The following RAD54L2 variants were observed in gnomAD, a reference collection of about 807,000 sequenced individuals.
RAD54L2 encodes helicase ARIP4.
In RAD54L2, 27 loss-of-function variants were observed where a neutral mutation model predicts 138.4. The ratio of observed to expected loss-of-function variants is 0.20; its 90% CI spans 0.14 to 0.27. The LOEUF (loss-of-function observed/expected upper bound fraction) is 0.27. Among genes scored for constraint, RAD54L2 ranks in the 10% least tolerant of loss-of-function variants. RAD54L2 has a pLI of 1.00. For missense variants in RAD54L2, 1,396 were observed against 1,890.2 expected (o/e 0.74, Z 4.85); for synonymous variants, 644 against 723.2 (o/e 0.89, Z 1.76).
At position 51,629,386 on chromosome 3, in the gene RAD54L2, G is replaced by A. The variant is rs769275688; in HGVS notation, c.394G>A (p.Glu132Lys). 4 of 1,604,890 alleles carry A rather than the reference G, an allele frequency of 2.5e-6. No individual in the cohort carries two copies. In the South Asian group the frequency reaches 4.5e-5, roughly 18 times the overall value. The change falls in exon 5 of 23, where the codon GAA (glutamate) becomes AAA (lysine). Residue 132 changes from glutamate (E) to lysine (K), a missense_variant. By Grantham distance (56) the Glu-to-Lys change is moderately conservative. Around this residue, in one of 7 missense-constraint regions of RAD54L2, gnomAD observed 256 missense variants for 344.6 expected, o/e 0.74. Coordinates refer to ENST00000684192, the MANE Select transcript of RAD54L2 (RefSeq NM_015106.4). The stretch of plus-strand genomic sequence containing the variant: ...GCCTGTTACCAAAGCAGCACAGCAA[G>A]AAGAGTTGGAAAGAAGGAAGCGCCT... ...LEPVTKAAQQ[E>K]ELERRKRLEQ...
intron 3 of RAD54L2, among the ~76,000 whole-genome samples, chr3:51,617,691 C>T (rs9866513): frequency 0.038 from 5,811 of 152,152 alleles, 393 homozygotes; most frequent in African/African-American, 0.13. Context: ...GCCTGGGCAA[C>T]ATAGTGAGAC....
chr3:51,644,685 C>G (rs1363792355), intron 16 of RAD54L2, among the ~76,000 whole-genome samples: 2 of 152,234 alleles, frequency 1.3e-5, no homozygotes, highest in African/African-American at 4.8e-5. Flanking sequence ...AGTCATTCCC[C>G]TAAGCTGTTA....
intron 2 of RAD54L2, among the ~76,000 whole-genome samples, chr3:51,573,889 C>T (rs954621360): frequency 6.6e-6 from 1 of 151,794 alleles, no homozygotes; most frequent in Non-Finnish European, 1.5e-5. Context: ...GGTATATGTG[C>T]ACAACGTGTA....
intron 2 of RAD54L2, among the ~76,000 whole-genome samples, chr3:51,577,416 C>T (rs1699503660): frequency 6.6e-6 from 1 of 152,074 alleles, no homozygotes. Flanking sequence ...GTTTCTGTCT[C>T]GTCGATCTGT....
At chr3:51,653,951 A>G (rs1237391043) in intron 19 of RAD54L2, among the ~76,000 whole-genome samples, 3 of 152,180 alleles carry the variant, frequency 2.0e-5, no homozygotes, top group Non-Finnish European at 4.4e-5. Flanking sequence ...ACAAACAAAA[A>G]AACTTGACAA....
intron 1 of RAD54L2, among the ~76,000 whole-genome samples, 194 bp downstream of exon 1, chr3:51,539,109 G>A (rs1301586980): frequency 3.9e-5 from 6 of 152,236 alleles, no homozygotes; most frequent in Non-Finnish European, 5.9e-5. Context: ...CTTGGCGGGG[G>A]TCTTGGGCCT....
At chr3:51,607,431 T>C (rs1327685706) in intron 3 of RAD54L2, among the ~76,000 whole-genome samples, 1 of 152,194 alleles carries the variant, frequency 6.6e-6, no homozygotes, top group Non-Finnish European at 1.5e-5. Context: ...GGGGTAAGGT[T>C]ATAGATCAAC....
chr3:51,624,150 TTTTGTTTG>T (rs748897893), intron 3 of RAD54L2, among the ~76,000 whole-genome samples: 2 of 152,020 alleles, frequency 1.3e-5, no homozygotes, highest in East Asian at 3.9e-4. Flanking sequence ...AGCAGCTGTT[TTTTGTTTG>T]TTTGTTTGTT....
chr3:51,627,495 A>G (rs1700718115), intron 3 of RAD54L2, 58 bp from the exon 4 acceptor site: 1 of 1,489,326 alleles, frequency 6.7e-7, no homozygotes, highest in Admixed American at 2.0e-5. Flanking sequence ...TGTGTCTGTC[A>G]TCCAGACTCA....
At chr3:51,656,589 G>T (rs1261930440) in intron 20 of RAD54L2, among the ~76,000 whole-genome samples, 1 of 152,180 alleles carries the variant, frequency 6.6e-6, no homozygotes, top group Non-Finnish European at 1.5e-5. Flanking sequence ...TTGCGAGTTT[G>T]ATATAAATTG....
At chr3:51,599,759 A>G (rs935473792) in intron 3 of RAD54L2, among the ~76,000 whole-genome samples, 1 of 151,478 alleles carries the variant, frequency 6.6e-6, no homozygotes, top group East Asian at 1.9e-4. Flanking sequence ...AAAAAAAAAA[A>G]AAGGGCAAAA....
chr3:51,654,165 A>G (rs946724208), intron 19 of RAD54L2, among the ~76,000 whole-genome samples: 1 of 151,896 alleles, frequency 6.6e-6, no homozygotes. Flanking sequence ...CTCCTCCCCT[A>G]GCTACCCAAG....
chr3:51,656,078 G>T lies in RAD54L2; in HGVS notation c.3134G>T (p.Ser1045Ile). 6.2e-7 allele frequency: 1 copy of T among 1,613,996 alleles called. No homozygotes were observed. Reference protein sequence around the residue: ...PRHVPLGGSVSSASSTNPSMN... With the variant: ...PRHVPLGGSVISASSTNPSMN... ...CATGTCCCATTGGGAGGAAGTGTAA[G>T]CTCTGCCTCCAGCACAAATCCATCC... is the stretch of plus-strand genomic sequence containing the variant. Residue 1045 changes from serine to isoleucine, a missense_variant, in exon 20 of 23, where the codon AGC becomes ATC. By Grantham distance (142) the Ser-to-Ile change is moderately radical (BLOSUM62 -2). Coordinates refer to ENST00000684192, the MANE Select transcript of RAD54L2 (RefSeq NM_015106.4).
intron 2 of RAD54L2, among the ~76,000 whole-genome samples, chr3:51,552,656 C>T (rs1698868773): frequency 6.8e-6 from 1 of 146,640 alleles, no homozygotes; most frequent in Non-Finnish European, 1.5e-5. Flanking sequence ...ACTGCAACCT[C>T]TGTCTCCTGG....
rs765595750 is a variant in RAD54L2, at chr3:51,655,958, C to CT, written c.3027-10dup. On this transcript the variant is annotated splice_polypyrimidine_tract_variant and intron_variant, in intron 19 of 22. Coordinates refer to ENST00000684192, the MANE Select transcript of RAD54L2 (RefSeq NM_015106.4). ...TGCCAAACTCTTTTAGTGTCCTTGT[C>CT]TTTCTCTTACAGGCAGCCAACTTTG... 5.7e-6 allele frequency: 9 copies of CT among 1,591,110 alleles called. No homozygotes were observed. Among genetic ancestry groups the CT allele is most frequent in the African/African-American group, 1.3e-5 (1 of 74,416 alleles).
chr3:51,616,086 G>C (rs1310956268), intron 3 of RAD54L2, among the ~76,000 whole-genome samples: 1 of 151,660 alleles, frequency 6.6e-6, no homozygotes, highest in Non-Finnish European at 1.5e-5. Context: ...CAGTATAATT[G>C]GGATATCCAT....
intron 6 of RAD54L2, 24 bp from the exon 7 acceptor site, chr3:51,630,681 T>G: frequency 1.3e-6 from 2 of 1,594,976 alleles, no homozygotes; most frequent in Non-Finnish European, 1.7e-6. Context: ...GGATTTTTGG[T>G]TTTGCTTTTT....
At position 51,573,199 on chromosome 3, in the gene RAD54L2, G is replaced by A. The variant is rs76571226; in HGVS notation, c.-54-17168G>A. 4.3e-3 allele frequency among the ~76,000 whole-genome samples: 652 copies of A among 152,196 alleles called. 4 individuals are homozygous for A. The highest frequency in any genetic ancestry group is 0.015 in the African/African-American group (623 of 41,530). Reference sequence around the variant, plus strand: ...AATTTCTACCTGCTTGTGGGGTGCCGTTTATTTATGTCATTGATCATGCTT... The same window carrying A: ...AATTTCTACCTGCTTGTGGGGTGCCATTTATTTATGTCATTGATCATGCTT... On this transcript the variant is annotated intron_variant, in intron 2 of 22. Coordinates refer to ENST00000684192, the MANE Select transcript of RAD54L2 (RefSeq NM_015106.4).
intron 2 of RAD54L2, among the ~76,000 whole-genome samples, chr3:51,546,355 T>C (rs1553672265): frequency 6.6e-6 from 1 of 151,978 alleles, no homozygotes; most frequent in East Asian, 1.9e-4. Flanking sequence ...AAAGGAAAAC[T>C]GAAGGCCAGG....
Sources: gnomAD v4.1 joint callset for allele counts (sites outside exome capture counted in the v4.1 genomes callset) on GRCh38, gnomAD v4.1.1 for gene constraint, gnomAD v4.1.1 regional missense constraint, MANE v1.5 for transcripts, NCBI Gene and HGNC (gene_info 2026-07-23, HGNC 2026-07-21) for gene names.